RAB23: variants seen among roughly 807,000 people sequenced by gnomAD.
RAB23 encodes ras-related protein Rab-23.
In RAB23, 15 loss-of-function variants were observed where a neutral mutation model predicts 30.0. The ratio of observed to expected loss-of-function variants is 0.50; its 90% CI spans 0.33 to 0.77. The LOEUF (loss-of-function observed/expected upper bound fraction) is 0.77, where lower values mean the gene tolerates loss of function less well. Ranked by LOEUF, RAB23 falls within the 30% of genes least tolerant of loss-of-function variation. RAB23 has a pLI of 0.02. For synonymous variants in RAB23, 93 were observed against 94.0 expected, an observed-to-expected ratio of 0.99 and a Z score of 0.06; for missense variants, 243 against 275.4, an observed-to-expected ratio of 0.88 and a Z score of 0.83.
chr6:57,221,253 G>A (rs552244102), intron 1 of RAB23: 3 of 152,198 alleles, frequency 2.0e-5, no homozygotes, highest in African/African-American at 4.8e-5. Context: ...TAAAAACCTA[G>A]AGAAGTTAAC....
intron 1 of RAB23, among the ~76,000 whole-genome samples, chr6:57,219,250 ATTAAATAC>A (rs1765964665): frequency 1.3e-5 from 2 of 152,384 alleles, no homozygotes; most frequent in Admixed American, 6.5e-5. Context: ...CTCCAAAAAC[ATTAAATAC>A]TTAGGTATAA....
intron 1 of RAB23, 78 bp from the exon 2 acceptor site, chr6:57,210,523 C>A: frequency 1.1e-6 from 1 of 919,500 alleles, no homozygotes; most frequent in Non-Finnish European, 1.7e-6. Context: ...AAGAAATTAT[C>A]ACATTGCATT....
At position 57,190,405 on chromosome 6, in the gene RAB23, A is replaced by G; in HGVS notation, c.*56T>C. 6.3e-7 allele frequency: 1 copy of G among 1,592,226 alleles called. No homozygotes were observed. The highest frequency in any genetic ancestry group is 8.6e-7 in the Non-Finnish European group (1 of 1,161,276). ...CCTTGTAACATACCATGACAGCTGG[A>G]TGGGTTTCTTAATGCATTGCACAAT... On this transcript the variant is annotated 3_prime_UTR_variant, in exon 7 of 7. Coordinates refer to ENST00000468148, the MANE Select transcript of RAB23 (RefSeq NM_016277.5).
intron 5 of RAB23, among the ~76,000 whole-genome samples, chr6:57,194,211 T>C (rs561560409): frequency 6.6e-6 from 1 of 152,210 alleles, no homozygotes; most frequent in South Asian, 2.1e-4. Context: ...TGATTAATAC[T>C]AAGCAACACT....
chr6:57,219,830 T>C (rs1052143682), intron 1 of RAB23, among the ~76,000 whole-genome samples: 10 of 152,196 alleles, frequency 6.6e-5, no homozygotes, highest in Admixed American at 5.9e-4. Context: ...GGAACACTTT[T>C]ATAAAACAAT....
At chr6:57,207,123 T>G (rs757160966) in intron 3 of RAB23, among the ~76,000 whole-genome samples, 4 of 152,232 alleles carry the variant, frequency 2.6e-5, no homozygotes, top group African/African-American at 9.6e-5. Context: ...GGAAGTTTAA[T>G]TTAGCCTTTT....
intron 1 of RAB23, among the ~76,000 whole-genome samples, chr6:57,211,113 T>A (rs1042121266): frequency 3.9e-5 from 6 of 152,136 alleles, no homozygotes; most frequent in African/African-American, 1.4e-4. Context: ...ATAAATGAAT[T>A]TCCTGTTTAG....
rs551266698 is a variant in RAB23, at chr6:57,210,962, T to C, written c.-65-517A>G. The stretch of plus-strand genomic sequence containing the variant: ...ATCTGAAATGTTTTAAGCACTGACA[T>C]GATGCCATAAGGGAAAAATTCCATA... On this transcript the variant is annotated intron_variant, in intron 1 of 6. Coordinates refer to ENST00000468148, the MANE Select transcript of RAB23 (RefSeq NM_016277.5). Among the ~76,000 whole-genome samples the C allele has an allele frequency of 2.6e-3, 396 of 152,366 alleles. 1 individual carries two copies. Among genetic ancestry groups the C allele is most frequent in the Non-Finnish European group, 4.2e-3 (285 of 68,040 alleles).
In RAB23 at chr6:57,189,738, G is replaced by GAT. The variant is rs1393784299; in HGVS notation, c.*721_*722dup. The GAT allele has an allele frequency of 6.6e-6, 1 of 152,600 alleles. No individual in the cohort carries two copies. Among genetic ancestry groups the GAT allele is most frequent in the Non-Finnish European group, 1.5e-5 (1 of 68,052 alleles). The allele number at this position is 152,600 out of a possible 1,614,324, so 9.5% of individuals were successfully genotyped here. ...GTAAAGCACTATAAAAATTAGGTAT[G>GAT]ATATTTTTGGCACAAAGCACTTTTT... On this transcript the variant is annotated 3_prime_UTR_variant, in exon 7 of 7. Transcript: ENST00000468148.
chr6:57,217,773 T>C (rs1765905009), intron 1 of RAB23, among the ~76,000 whole-genome samples: 1 of 151,492 alleles, frequency 6.6e-6, no homozygotes, highest in Non-Finnish European at 1.5e-5. Flanking sequence ...ATCAATGAAA[T>C]TGCAAACAGA....
In RAB23 at chr6:57,196,498, A is replaced by G; in HGVS notation, c.350T>C (p.Val117Ala). The change falls in exon 4 of 7, where the codon GTA (valine) becomes GCA (alanine). Residue 117 changes from valine (V) to alanine (A), a missense_variant. Val to Ala is a moderately conservative substitution (Grantham distance 64). Transcript: ENST00000468148. Reference protein sequence around the residue: ...VVAEVGDIPTVLVQNKIDLLD... With the variant: ...VVAEVGDIPTALVQNKIDLLD... Reference sequence around the variant, plus strand: ...AAGATCAATCTTGTTTTGCACAAGTACAGTTGGTATATCTCCCACTTCGGC... The same window carrying G: ...AAGATCAATCTTGTTTTGCACAAGTGCAGTTGGTATATCTCCCACTTCGGC... 6 of 1,614,060 alleles carry G rather than the reference A, an allele frequency of 3.7e-6. No homozygotes were observed. Among genetic ancestry groups the G allele is most frequent in the Non-Finnish European group, 3.4e-6 (4 of 1,179,956 alleles).
chr6:57,199,978 G>A (rs189649095), intron 3 of RAB23, among the ~76,000 whole-genome samples: 15 of 151,990 alleles, frequency 9.9e-5, no homozygotes, highest in African/African-American at 2.7e-4. Context: ...CCTAATGACC[G>A]GAAAGCCCTT....
intron 3 of RAB23, among the ~76,000 whole-genome samples, chr6:57,196,882 T>C (rs905429352): frequency 6.6e-6 from 1 of 152,190 alleles, no homozygotes; most frequent in Non-Finnish European, 1.5e-5. Flanking sequence ...GGTTCTCAAA[T>C]GTGTTCAACT....
intron 3 of RAB23, among the ~76,000 whole-genome samples, chr6:57,197,389 T>C (rs147743648): frequency 1.5e-3 from 222 of 152,190 alleles, no homozygotes; most frequent in African/African-American, 5.3e-3. Context: ...GAAGAAGCAG[T>C]TTTATAAATT....
Position 57,187,633 on chromosome 6 carries a change from T to TAA in RAB23, c.*2826_*2827dup, listed in dbSNP as rs1235838798. On this transcript the variant is annotated 3_prime_UTR_variant, in exon 7 of 7. Transcript: ENST00000468148. ...GCTAATAATTAACAATATCTTATAT[T>TAA]AAAAGGGTCCAACACTAAGTTGGGA... The TAA allele has an allele frequency of 6.6e-6, 1 of 152,174 alleles. No individual in the cohort carries two copies. The highest frequency in any genetic ancestry group is 2.4e-5 in the African/African-American group (1 of 41,448). 9.4% of individuals were successfully genotyped at this position (152,174 alleles called of 1,614,324 possible). A position where few individuals can be genotyped will look rare whatever the true frequency, so the allele number is the denominator to read the frequency against.
intron 3 of RAB23, among the ~76,000 whole-genome samples, chr6:57,205,322 G>A (rs552472842): frequency 2.6e-5 from 4 of 152,046 alleles, no homozygotes; most frequent in South Asian, 2.1e-4. Context: ...CATCTGATAA[G>A]TAAAATGAGA....
chr6:57,218,371 T>C (rs894965567), intron 1 of RAB23, among the ~76,000 whole-genome samples: 2 of 152,236 alleles, frequency 1.3e-5, no homozygotes, highest in South Asian at 2.1e-4. Flanking sequence ...AAGTGGACTT[T>C]ATTCTGGGAA....
chr6:57,210,499 CTAAT>C lies in RAB23; in HGVS notation c.-65-58_-65-55del. On this transcript the variant is annotated intron_variant, in intron 1 of 6. Transcript: ENST00000468148. ...ATAACACAAAAATGTACAAAATAAA[CTAAT>C]TGTTTTATCAAGAAATTATCACATT... The C allele has an allele frequency of 1.4e-5, 16 of 1,136,700 alleles. No individual in the cohort carries two copies. The South Asian group carries it at 1.7e-4, about 12-fold the overall frequency. 70.4% of individuals were successfully genotyped at this position (1,136,700 alleles called of 1,614,324 possible).
Position 57,196,609 on chromosome 6 carries a change from GTAA to G in RAB23, c.242-6_242-4del. On this transcript the variant is annotated splice_polypyrimidine_tract_variant and splice_region_variant and intron_variant, in intron 3 of 6. Coordinates refer to ENST00000468148, the MANE Select transcript of RAB23 (RefSeq NM_016277.5). ...CACGAGCACACAAGCCTGGGCTCCT[GTAA>G]GTTCACAATCAATCAATCAATCAAT... 1 of 1,613,068 alleles carries G rather than the reference GTAA, an allele frequency of 6.2e-7. No individual in the cohort carries two copies. Among genetic ancestry groups the G allele is most frequent in the Non-Finnish European group, 8.5e-7 (1 of 1,179,494 alleles).
Sources: allele counts gnomAD v4.1 joint callset (sites outside exome capture counted in the v4.1 genomes callset), GRCh38; gene constraint gnomAD v4.1.1; transcripts MANE v1.5; gene names NCBI Gene and HGNC (gene_info 2026-07-23, HGNC 2026-07-21).